Variants in ANP32B observed in about 807,000 individuals in gnomAD.
ANP32B encodes acidic leucine-rich nuclear phosphoprotein 32 family member B.
In ANP32B, 6 loss-of-function variants were observed where a neutral mutation model predicts 32.2. The observed-to-expected ratio is 0.19, with a 90% CI of 0.10 to 0.37. ANP32B has a LOEUF of 0.37. Ranked by LOEUF, ANP32B falls within the 10% of genes least tolerant of loss-of-function variation. The pLI is 1.00. For missense variants in ANP32B, 204 were observed against 289.2 expected, an observed-to-expected ratio of 0.71 and a Z score of 2.14; for synonymous variants, 98 against 105.8, an observed-to-expected ratio of 0.93 and a Z score of 0.45.
chr9:98,000,305 T>C (rs1051625797), intron 3 of ANP32B, among the ~76,000 whole-genome samples: 5 of 152,172 alleles, frequency 3.3e-5, no homozygotes, highest in Non-Finnish European at 5.9e-5. Context: ...TACATTTCTT[T>C]AAGTTGTCCA....
chr9:97,994,820 G>A, intron 2 of ANP32B, 40 bp downstream of exon 2: 2 of 1,547,240 alleles, frequency 1.3e-6, no homozygotes, highest in Non-Finnish European at 1.7e-6. Context: ...GAACGATCCT[G>A]GGAAGGGAAA....
intron 1 of ANP32B, among the ~76,000 whole-genome samples, chr9:97,989,953 C>T (rs572906437): frequency 5.1e-4 from 77 of 152,206 alleles, no homozygotes; most frequent in Non-Finnish European, 7.6e-4. Flanking sequence ...CATAAATTCT[C>T]CCTTTGGAGT....
At chr9:98,014,764 T>C (rs1828246290) in intron 6 of ANP32B, among the ~76,000 whole-genome samples, 1 of 152,144 alleles carries the variant, frequency 6.6e-6, no homozygotes. Flanking sequence ...TTTTGTTTTG[T>C]TTTTTTGGAG....
At chr9:97,997,559 C>G (rs1210769462) in intron 2 of ANP32B, among the ~76,000 whole-genome samples, 1 of 152,172 alleles carries the variant, frequency 6.6e-6, no homozygotes, top group African/African-American at 2.4e-5. Flanking sequence ...CGATGTTGGG[C>G]AAGTTTATTT....
rs757340988 is a variant in ANP32B at position 98,005,519 on chromosome 9, CA to C, written c.517+376del. On this transcript the variant is annotated intron_variant, in intron 4 of 6. Transcript: ENST00000339399. The stretch of plus-strand genomic sequence containing the variant: ...GTCTCAGAAGACAGACAGGGTGTCT[CA>C]AAAAAAAAAGCTACTAGATGTTCTT... Among the ~76,000 whole-genome samples the C allele has an allele frequency of 1.1e-3, 159 of 144,278 alleles. No individual in the cohort carries two copies. In the Middle Eastern group the frequency reaches 0.014, roughly 13 times the overall value. The allele number at this position is 144,278 out of a possible 152,430, so 94.7% of individuals were successfully genotyped here.
At chr9:97,995,817 G>A (rs773477839) in intron 2 of ANP32B, among the ~76,000 whole-genome samples, 11 of 151,804 alleles carry the variant, frequency 7.2e-5, no homozygotes, top group Non-Finnish European at 1.3e-4. Context: ...CAGCTAGTCC[G>A]GAGGCTGAGG....
intron 1 of ANP32B, chr9:97,984,583 G>T (rs1023849049): frequency 1.3e-5 from 2 of 150,826 alleles, no homozygotes; most frequent in Non-Finnish European, 3.0e-5. Flanking sequence ...GCAGCGCCAT[G>T]TTGGCGGGTG....
chr9:97,983,814 G>A (rs1431411435), intron 1 of ANP32B, among the ~76,000 whole-genome samples: 1 of 152,006 alleles, frequency 6.6e-6, no homozygotes, highest in Non-Finnish European at 1.5e-5. Context: ...CCCTGGGGCG[G>A]CCGGGGGGAG....
At chr9:97,983,829 C>A (rs1007384875) in intron 1 of ANP32B, among the ~76,000 whole-genome samples, 1 of 151,798 alleles carries the variant, frequency 6.6e-6, no homozygotes, top group African/African-American at 2.4e-5. Context: ...GGGGAGGCAG[C>A]GGTGTGGGGG....
chr9:97,995,718 C>T (rs1386586275), intron 2 of ANP32B, among the ~76,000 whole-genome samples: 2 of 151,788 alleles, frequency 1.3e-5, no homozygotes, highest in Admixed American at 6.6e-5. Context: ...GTCAGGAGTT[C>T]GAGACCAGCC....
At position 98,005,897 on chromosome 9, in the gene ANP32B, G is replaced by A. The variant is rs533398425; in HGVS notation, c.517+744G>A. On this transcript the variant is annotated intron_variant, in intron 4 of 6. Coordinates refer to ENST00000339399, the MANE Select transcript of ANP32B (RefSeq NM_006401.3). ...TCCATGACCTGTTAGAAACCAGGCC[G>A]CATGAGCAGTGAGGAAGCCTCATCT... 9.8e-5 allele frequency among the ~76,000 whole-genome samples: 15 copies of A among 152,286 alleles called. No homozygotes were observed. In the South Asian group the frequency reaches 1.0e-3, roughly 11 times the overall value.
intron 6 of ANP32B, among the ~76,000 whole-genome samples, chr9:98,014,763 G>T (rs1828246243): frequency 6.6e-6 from 1 of 152,070 alleles, no homozygotes; most frequent in Admixed American, 6.6e-5. Flanking sequence ...GTTTTGTTTT[G>T]TTTTTTTGGA....
chr9:97,998,061 CTT>C (rs1220070739), intron 2 of ANP32B, among the ~76,000 whole-genome samples: 2 of 152,220 alleles, frequency 1.3e-5, no homozygotes, highest in Non-Finnish European at 2.9e-5. Flanking sequence ...CCGTTCCTCT[CTT>C]GTAGCTTTCA....
chr9:98,014,607 T>C lies in ANP32B; in HGVS notation c.689-757T>C, dbSNP rs75756658. Among the ~76,000 whole-genome samples, 1,044 of 152,342 alleles carry C rather than the reference T, an allele frequency of 6.9e-3. 24 individuals are homozygous for C. Among genetic ancestry groups the C allele is most frequent in the East Asian group, 0.06 (309 of 5,186 alleles). Reference sequence around the variant, plus strand: ...CTTAATGATGTTCCATACTATGTTTTGTGTGTTATTTAATTCTCAGAATAA... The same window carrying C: ...CTTAATGATGTTCCATACTATGTTTCGTGTGTTATTTAATTCTCAGAATAA... On this transcript the variant is annotated intron_variant, in intron 6 of 6. Coordinates refer to ENST00000339399, the MANE Select transcript of ANP32B (RefSeq NM_006401.3).
In ANP32B at chr9:97,994,623, A is replaced by G; in HGVS notation, c.55-8A>G. ...GAGAGCTTATCCTTTTTTCTTTGTCATCCACAGGTTCGAGAACTTGTCTTG... is the reference window on the plus strand; with the variant it reads ...GAGAGCTTATCCTTTTTTCTTTGTCGTCCACAGGTTCGAGAACTTGTCTTG... On this transcript the variant is annotated splice_polypyrimidine_tract_variant and splice_region_variant and intron_variant, in intron 1 of 6. Coordinates refer to ENST00000339399, the MANE Select transcript of ANP32B (RefSeq NM_006401.3). The G allele has an allele frequency of 5.7e-6, 9 of 1,592,402 alleles. No homozygotes were observed. The highest frequency in any genetic ancestry group is 7.7e-6 in the Non-Finnish European group (9 of 1,174,562).
intron 1 of ANP32B, among the ~76,000 whole-genome samples, chr9:97,984,975 C>A (rs891127311): frequency 4.0e-5 from 6 of 150,996 alleles, no homozygotes; most frequent in African/African-American, 1.5e-4. Flanking sequence ...GAGGGCGGCC[C>A]TCTTGCGGCG....
At chr9:98,005,483 C>T (rs1828065327) in intron 4 of ANP32B, among the ~76,000 whole-genome samples, 2 of 151,954 alleles carry the variant, frequency 1.3e-5, no homozygotes, top group East Asian at 1.9e-4. Context: ...GATTGTTCCC[C>T]ACTGCACTCC....
intron 1 of ANP32B, among the ~76,000 whole-genome samples, chr9:97,994,183 C>G (rs1827871023): frequency 6.6e-6 from 1 of 152,116 alleles, no homozygotes; most frequent in Non-Finnish European, 1.5e-5. Flanking sequence ...GCCAGAATCT[C>G]TTAGTGGTCT....
chr9:98,000,855 A>G (rs558976682), intron 3 of ANP32B, among the ~76,000 whole-genome samples: 2 of 151,124 alleles, frequency 1.3e-5, no homozygotes, highest in Admixed American at 6.6e-5. Flanking sequence ...CCAGGAGGCG[A>G]AGGTTGCAGT....
Sources: allele counts gnomAD v4.1 joint callset (sites outside exome capture counted in the v4.1 genomes callset), GRCh38; gene constraint gnomAD v4.1.1; transcripts MANE v1.5; gene names NCBI Gene and HGNC (gene_info 2026-07-23, HGNC 2026-07-21).